NLGN1: variants seen among roughly 807,000 people sequenced by gnomAD.
The protein encoded by NLGN1 is neuroligin-1.
Under a neutral mutation model 65.5 loss-of-function variants are expected in NLGN1, and 12 were observed. That is an observed-to-expected ratio of 0.18 (90% CI 0.12 to 0.30). The LOEUF is 0.30. NLGN1 is among the 10% of genes least tolerant of loss of function. The probability of loss-of-function intolerance (pLI) is 1.00; values close to 1 mark genes in which losing one functional copy is unlikely to be tolerated. For synonymous variants in NLGN1, 350 were observed against 359.5 expected (o/e 0.97, Z 0.30); for missense variants, 750 against 1,007.1 (o/e 0.74, Z 3.46).
intron 3 of NLGN1, among the ~76,000 whole-genome samples, chr3:173,767,960 G>C (rs112396083): frequency 0.01 from 1,549 of 151,858 alleles, 31 homozygotes; most frequent in African/African-American, 0.035. Flanking sequence ...AATTTCCTTT[G>C]AACATATAAA....
intron 4 of NLGN1, among the ~76,000 whole-genome samples, chr3:173,988,680 T>A (rs59661753): frequency 0.012 from 1,799 of 152,254 alleles, 29 homozygotes; most frequent in African/African-American, 0.039. Flanking sequence ...TCTCTTCTAC[T>A]TTTTTTGCTC....
At chr3:173,993,028 TG>T (rs1447770023) in intron 4 of NLGN1, among the ~76,000 whole-genome samples, 3 of 152,314 alleles carry the variant, frequency 2.0e-5, no homozygotes, top group East Asian at 3.9e-4. Context: ...GGGGGATAAA[TG>T]GTTCTTCATT....
intron 2 of NLGN1, among the ~76,000 whole-genome samples, chr3:173,532,892 A>G (rs1435117935): frequency 6.6e-6 from 1 of 152,202 alleles, no homozygotes; most frequent in Admixed American, 6.5e-5. Context: ...CCTGAAACCA[A>G]GTTGATGGAG....
rs1560289220 is a variant in NLGN1 at position 173,747,795 on chromosome 3, C to CTTCTTTTTTTTTTTTTTTTTTT, written c.494-59883_494-59882insCTTTTTTTTTTTTTTTTTTTTT. Among the ~76,000 whole-genome samples, 14 of 78,576 alleles carry CTTCTTTTTTTTTTTTTTTTTTT rather than the reference C, an allele frequency of 1.8e-4. 2 individuals are homozygous for CTTCTTTTTTTTTTTTTTTTTTT. Among genetic ancestry groups the CTTCTTTTTTTTTTTTTTTTTTT allele is most frequent in the African/African-American group, 8.7e-4 (14 of 16,108 alleles). 51.5% of individuals were successfully genotyped at this position (78,576 alleles called of 152,430 possible). Reference sequence around the variant, plus strand: ...AAACAAAATTTTCTTTCTTCTTCTTCTTGTTCTTTTTTTTTTTTTTTTTTT... The same window carrying CTTCTTTTTTTTTTTTTTTTTTT: ...AAACAAAATTTTCTTTCTTCTTCTTCTTCTTTTTTTTTTTTTTTTTTTTTGTTCTTTTTTTTTTTTTTTTTTT... On this transcript the variant is annotated intron_variant, in intron 3 of 6. Coordinates refer to ENST00000457714, the Ensembl canonical transcript of NLGN1.
At chr3:173,604,814 A>G in exon 3 of NLGN1, 2 of 1,613,720 alleles carry the variant, frequency 1.2e-6, no homozygotes, top group Non-Finnish European at 1.7e-6. Flanking sequence ...TCAATAATGA[A>G]ATTTTGGGGC....
chr3:174,194,786 TAAA>T (rs548336247), intron 4 of NLGN1, among the ~76,000 whole-genome samples: 9 of 104,618 alleles, frequency 8.6e-5, no homozygotes, highest in Non-Finnish European at 1.4e-4. Flanking sequence ...ACCTATTCAC[TAAA>T]AAAAAAAAAA....
At chr3:174,027,892 A>G (rs1579859644) in intron 4 of NLGN1, among the ~76,000 whole-genome samples, 2 of 152,190 alleles carry the variant, frequency 1.3e-5, no homozygotes, top group Middle Eastern at 6.8e-3. Context: ...GATAATCTCC[A>G]TGTGTCAAGG....
chr3:173,598,992 C>A (rs568964686), intron 2 of NLGN1, among the ~76,000 whole-genome samples: 1 of 152,240 alleles, frequency 6.6e-6, no homozygotes, highest in East Asian at 1.9e-4. Flanking sequence ...AGCACAGTAT[C>A]TACTGAACAT....
chr3:174,226,819 A>T (rs749764038), intron 4 of NLGN1, among the ~76,000 whole-genome samples: 19 of 152,218 alleles, frequency 1.2e-4, no homozygotes, highest in Non-Finnish European at 2.1e-4. Flanking sequence ...GGGCTGCCTT[A>T]TTATGGCCAT....
intron 4 of NLGN1, among the ~76,000 whole-genome samples, chr3:174,261,527 A>G (rs1385129310): frequency 3.4e-5 from 5 of 146,078 alleles, no homozygotes; most frequent in African/African-American, 1.0e-4. Flanking sequence ...ATTTTTGTAC[A>G]TTGATTTTGT....
intron 4 of NLGN1, among the ~76,000 whole-genome samples, chr3:173,997,281 A>G (rs1722458133): frequency 6.6e-6 from 1 of 152,130 alleles, no homozygotes; most frequent in African/African-American, 2.4e-5. Flanking sequence ...CAATGTTCCC[A>G]CCACACCCAT....
intron 2 of NLGN1, among the ~76,000 whole-genome samples, chr3:173,547,359 A>G (rs1411159417): frequency 6.6e-6 from 1 of 152,154 alleles, no homozygotes; most frequent in Non-Finnish European, 1.5e-5. Context: ...CCTTTCCTTT[A>G]AAAAGGAAAT....
At chr3:174,205,566 T>A (rs1350498882) in intron 4 of NLGN1, among the ~76,000 whole-genome samples, 1 of 152,194 alleles carries the variant, frequency 6.6e-6, no homozygotes, top group Non-Finnish European at 1.5e-5. Context: ...TATCTGTATA[T>A]GTGTTGGTCT....
intron 4 of NLGN1, among the ~76,000 whole-genome samples, chr3:174,146,260 T>C (rs1461466398): frequency 6.6e-6 from 1 of 152,098 alleles, no homozygotes; most frequent in Non-Finnish European, 1.5e-5. Flanking sequence ...CAAATCATCA[T>C]GTTGTACACT....
In NLGN1 at chr3:174,143,106, G is replaced by A. The variant is rs920277291; in HGVS notation, c.647-132209G>A. 9.9e-5 allele frequency among the ~76,000 whole-genome samples: 15 copies of A among 152,174 alleles called. No individual in the cohort carries two copies. The South Asian group carries it at 1.5e-3, about 15-fold the overall frequency. On this transcript the variant is annotated intron_variant, in intron 4 of 6. Transcript: ENST00000457714. ...CCACAGGGATGGTGCTAAACCATTC[G>A]TGAGGGATCCACTCCATCAATCCAA...
At chr3:173,787,601 A>G (rs1711515558) in intron 3 of NLGN1, among the ~76,000 whole-genome samples, 1 of 152,250 alleles carries the variant, frequency 6.6e-6, no homozygotes, top group African/African-American at 2.4e-5. Context: ...GAATGAAAAT[A>G]TAAGGAAGGA....
Position 173,818,837 on chromosome 3 carries a change from A to T in NLGN1, c.646+11005A>T, listed in dbSNP as rs974654760. On this transcript the variant is annotated intron_variant, in intron 4 of 6. Coordinates refer to ENST00000457714, the Ensembl canonical transcript of NLGN1. ...AGGGTCAGTTTTTTCTCTCTGTTAC[A>T]AAAAGACAATGAGGGCTTGGATTTT... 2.7e-5 allele frequency among the ~76,000 whole-genome samples: 4 copies of T among 150,094 alleles called. No individual in the cohort carries two copies. In the East Asian group the frequency reaches 7.9e-4, roughly 30 times the overall value.
chr3:173,465,007 C>T (rs899151681), intron 2 of NLGN1, among the ~76,000 whole-genome samples: 1 of 152,094 alleles, frequency 6.6e-6, no homozygotes, highest in African/African-American at 2.4e-5. Context: ...GCTTTCTAAG[C>T]TTAATTCTAT....
At chr3:174,149,462 G>T (rs1196877274) in intron 4 of NLGN1, among the ~76,000 whole-genome samples, 1 of 152,068 alleles carries the variant, frequency 6.6e-6, no homozygotes, top group Admixed American at 6.5e-5. Flanking sequence ...AAAGAAAAGT[G>T]ACTTCAGCAT....
Sources: gnomAD v4.1 joint callset for allele counts (sites outside exome capture counted in the v4.1 genomes callset) on GRCh38, gnomAD v4.1.1 for gene constraint, MANE v1.5 for transcripts, NCBI Gene and HGNC (gene_info 2026-07-23, HGNC 2026-07-21) for gene names.